The following FRK variants were observed in gnomAD, a reference collection of about 807,000 sequenced individuals.
FRK encodes tyrosine-protein kinase FRK.
FRK carries 51 observed loss-of-function variants against 56.4 expected under a neutral mutation model. The observed-to-expected ratio is 0.90, with a 90% confidence interval of 0.72 to 1.14. FRK has a LOEUF of 1.14. FRK is among the 50% of genes most tolerant of loss of function. The probability of loss-of-function intolerance (pLI) is 0.00; values close to 1 mark genes in which losing one functional copy is unlikely to be tolerated. For synonymous variants in FRK, 245 were observed against 217.9 expected (o/e 1.12, Z -1.10); for missense variants, 570 against 601.4 (o/e 0.95, Z 0.55).
chr6:116,079,236 T>C, the FRK span, among the ~76,000 whole-genome samples: 2 of 152,142 alleles, frequency 1.3e-5, no homozygotes, highest in African/African-American at 2.4e-5. Context: ...ACTTGAATTA[T>C]CAGACTTTTA....
intron 1 of FRK, among the ~76,000 whole-genome samples, chr6:116,007,251 T>C (rs1426854932): frequency 6.6e-6 from 1 of 152,206 alleles, no homozygotes; most frequent in Non-Finnish European, 1.5e-5. Context: ...ATGAACACTC[T>C]CCAGTGAGTT....
intron 1 of FRK, chr6:116,038,727 C>G (rs1776584257): frequency 2.2e-6 from 1 of 457,288 alleles, no homozygotes; most frequent in African/African-American, 2.0e-5. Context: ...AAGGCTGACG[C>G]TGACCTTCAG....
At chr6:115,945,523 A>G (rs577614645) in intron 5 of FRK, among the ~76,000 whole-genome samples, 1 of 152,218 alleles carries the variant, frequency 6.6e-6, no homozygotes, top group East Asian at 1.9e-4. Context: ...TAATTTCTTC[A>G]TGGAAATTAT....
At chr6:116,090,906 A>C in the FRK span, among the ~76,000 whole-genome samples, 1 of 152,240 alleles carries the variant, frequency 6.6e-6, no homozygotes. Flanking sequence ...TATATCATTA[A>C]AGTTGATTAT....
chr6:115,984,912 C>T (rs564291043), intron 2 of FRK, among the ~76,000 whole-genome samples: 22 of 152,204 alleles, frequency 1.4e-4, no homozygotes, highest in African/African-American at 5.3e-4. Context: ...TTAGAGAGCT[C>T]ATGGAGCATT....
intron 4 of FRK, among the ~76,000 whole-genome samples, chr6:115,958,761 AAGAAAGAGGGGGGGGAAGGAGAGAG>A (rs1773188910): frequency 2.5e-5 from 1 of 40,696 alleles, no homozygotes; most frequent in South Asian, 1.4e-3. Flanking sequence ...GAAAGAAAGA[AAGAAAGAGGGGGGGGAAGGAGAGAG>A]AGAAAGAAAG....
At chr6:115,957,484 A>T (rs1773047030) in intron 4 of FRK, among the ~76,000 whole-genome samples, 1 of 152,232 alleles carries the variant, frequency 6.6e-6, no homozygotes, top group South Asian at 2.1e-4. Flanking sequence ...GTCATTTCAC[A>T]TCTTAGTATT....
chr6:115,995,383 T>C lies in FRK; in HGVS notation c.466+8494A>G, dbSNP rs1774799229. On this transcript the variant is annotated intron_variant, in intron 2 of 7. Transcript: ENST00000606080. ...TGAATTACAAAAATATAGCAATTTC[T>C]CACATGACTTATCAACTTCCTACTT... Among the ~76,000 whole-genome samples, 4 of 152,262 alleles carry C rather than the reference T, an allele frequency of 2.6e-5. No individual in the cohort carries two copies. The South Asian group carries it at 8.3e-4, about 32-fold the overall frequency.
intron 1 of FRK, among the ~76,000 whole-genome samples, chr6:116,048,975 CT>C (rs71012323): frequency 1.8e-3 from 268 of 147,354 alleles, no homozygotes; most frequent in African/African-American, 3.1e-3. Flanking sequence ...CCCTGCACTT[CT>C]TTTTTTTTTT....
At chr6:115,960,104 G>A (rs549016219) in intron 4 of FRK, among the ~76,000 whole-genome samples, 18 of 152,108 alleles carry the variant, frequency 1.2e-4, no homozygotes, top group East Asian at 3.9e-4. Context: ...CGCAGAAGAC[G>A]GGTGATTTCT....
intron 4 of FRK, 24 bp downstream of exon 4, chr6:115,967,527 A>G (rs766317452): frequency 1.2e-6 from 2 of 1,609,550 alleles, no homozygotes; most frequent in South Asian, 2.2e-5. Context: ...AACATATGCC[A>G]TTTAACCTTT....
At chr6:116,089,715 T>C in the FRK span, among the ~76,000 whole-genome samples, 39 of 152,344 alleles carry the variant, frequency 2.6e-4, no homozygotes, top group African/African-American at 8.7e-4. Flanking sequence ...AGATTGGATC[T>C]GGGCCCACCT....
intron 1 of FRK, among the ~76,000 whole-genome samples, chr6:116,020,392 A>G (rs1775828597): frequency 6.6e-6 from 1 of 152,044 alleles, no homozygotes; most frequent in African/African-American, 2.4e-5. Context: ...CCTGGGTTCA[A>G]GTGATTCTCC....
intron 2 of FRK, 135 bp downstream of exon 2, chr6:116,003,742 T>G: frequency 2.3e-6 from 2 of 853,646 alleles, no homozygotes; most frequent in South Asian, 1.9e-5. Flanking sequence ...CTTAAGTAGT[T>G]TAGTATTAAT....
upstream of FRK, among the ~76,000 whole-genome samples, chr6:116,061,037 T>C (rs1430118225): frequency 6.6e-6 from 1 of 152,244 alleles, no homozygotes; most frequent in Non-Finnish European, 1.5e-5. Context: ...ATATTCCTTT[T>C]GTTTCATCCT....
the FRK span, among the ~76,000 whole-genome samples, chr6:116,082,434 CAAT>C: frequency 6.6e-6 from 1 of 152,214 alleles, no homozygotes; most frequent in East Asian, 1.9e-4. Context: ...GGGGCTATTG[CAAT>C]ATTCCAGGCT....
At chr6:116,008,946 C>T (rs1391277268) in intron 1 of FRK, among the ~76,000 whole-genome samples, 2 of 152,106 alleles carry the variant, frequency 1.3e-5, no homozygotes, top group Non-Finnish European at 2.9e-5. Context: ...TCAAATGTAA[C>T]AGAGTTTAAT....
At chr6:116,068,260 A>C in the FRK span, among the ~76,000 whole-genome samples, 2 of 152,172 alleles carry the variant, frequency 1.3e-5, no homozygotes, top group African/African-American at 4.8e-5. Flanking sequence ...CTTAATTCTA[A>C]ATTTATTCCA....
At chr6:115,954,889 CCA>C (rs1020834110) in intron 5 of FRK, among the ~76,000 whole-genome samples, 16 of 152,096 alleles carry the variant, frequency 1.1e-4, no homozygotes, top group Non-Finnish European at 2.1e-4. Flanking sequence ...AACTGAGCCA[CCA>C]GCCAACCTAT....
Sources: gnomAD v4.1 joint callset for allele counts (sites outside exome capture counted in the v4.1 genomes callset) on GRCh38, gnomAD v4.1.1 for gene constraint, MANE v1.5 for transcripts, NCBI Gene and HGNC (gene_info 2026-07-23, HGNC 2026-07-21) for gene names.